The following PGM2L1 variants were observed in gnomAD, a reference collection of about 807,000 sequenced individuals.
PGM2L1 encodes phosphoglucomutase 2 like 1.
A neutral mutation model predicts 73.4 loss-of-function variants in PGM2L1; 35 were observed. The ratio of observed to expected loss-of-function variants is 0.48; its 90% CI spans 0.36 to 0.63. The LOEUF (loss-of-function observed/expected upper bound fraction) is 0.63. PGM2L1 is among the 30% of genes least tolerant of loss of function. The pLI, the probability that PGM2L1 is intolerant of heterozygous loss-of-function variation, is 0.00. For synonymous variants in PGM2L1, 225 were observed against 253.8 expected (o/e 0.89, Z 1.08); for missense variants, 570 against 742.0 (o/e 0.77, Z 2.69).
chr11:74,368,668 A>C (rs1477695103), intron 4 of PGM2L1, 93 bp from the exon 5 acceptor site: 2 of 1,004,362 alleles, frequency 2.0e-6, no homozygotes, highest in Non-Finnish European at 3.1e-6. Context: ...CAGGAAAAGC[A>C]TTATAGTATG....
At chr11:74,346,241 C>G (rs2134889088) in intron 8 of PGM2L1, among the ~76,000 whole-genome samples, 1 of 135,762 alleles carries the variant, frequency 7.4e-6, no homozygotes, top group East Asian at 2.1e-4. Flanking sequence ...TCCACTCCAG[C>G]CTAAGCAACA....
chr11:74,338,713 A>T, intron 12 of PGM2L1, 112 bp from the exon 13 acceptor site: 1 of 1,278,952 alleles, frequency 7.8e-7, no homozygotes, highest in Non-Finnish European at 1.1e-6. Flanking sequence ...AAAGTCGTCA[A>T]ATTTACAGAA....
intron 4 of PGM2L1, among the ~76,000 whole-genome samples, chr11:74,369,619 C>T (rs1412737204): frequency 6.6e-6 from 1 of 152,182 alleles, no homozygotes; most frequent in Admixed American, 6.5e-5. Context: ...GGATAAGATG[C>T]TGGAAGTGAA....
chr11:74,342,938 G>A lies in PGM2L1; in HGVS notation c.1389C>T (p.Tyr463=), dbSNP rs1862204628. 6.2e-7 allele frequency: 1 copy of A among 1,610,810 alleles called. No individual in the cohort carries two copies. Among genetic ancestry groups the A allele is most frequent in the Non-Finnish European group, 8.5e-7 (1 of 1,178,302 alleles). ...AAVVVAEMAS[Y]LETMNITLKQ... ...TCAATGTTATATTCATGGTTTCCAG[G>A]TAAGATGCCATCTCAGCAACCACAA... Residue 463 remains tyrosine (Y), a synonymous_variant, in exon 11 of 14, where the codon TAC becomes TAT. Transcript: ENST00000298198.
intron 12 of PGM2L1, among the ~76,000 whole-genome samples, chr11:74,339,186 A>G (rs1433476522): frequency 6.6e-6 from 1 of 152,190 alleles, no homozygotes; most frequent in Non-Finnish European, 1.5e-5. Flanking sequence ...CCAAAGTCCA[A>G]ACTGCCTCTA....
At chr11:74,368,381 G>T in intron 5 of PGM2L1, 111 bp downstream of exon 5, 1 of 870,656 alleles carries the variant, frequency 1.1e-6, no homozygotes, top group Non-Finnish European at 1.8e-6. Flanking sequence ...TTAACTTTCT[G>T]TTCCCAATGT....
intron 1 of PGM2L1, among the ~76,000 whole-genome samples, chr11:74,385,633 A>G (rs78916560): frequency 0.012 from 1,785 of 152,194 alleles, 34 homozygotes; most frequent in African/African-American, 0.039. Context: ...GTCAACTGAG[A>G]TTCCATAGTT....
intron 1 of PGM2L1, among the ~76,000 whole-genome samples, chr11:74,379,483 C>A (rs1435232936): frequency 6.6e-6 from 1 of 152,090 alleles, no homozygotes; most frequent in Non-Finnish European, 1.5e-5. Flanking sequence ...ATCTTATAAA[C>A]CTACTATTTT....
intron 10 of PGM2L1, 104 bp from the exon 11 acceptor site, chr11:74,343,118 T>G (rs1015960905): frequency 7.0e-7 from 1 of 1,418,840 alleles, no homozygotes; most frequent in Non-Finnish European, 9.5e-7. Flanking sequence ...AGCCTAGTAA[T>G]AGATGAAACT....
At chr11:74,353,175 TG>T (rs1444562093) in intron 5 of PGM2L1, among the ~76,000 whole-genome samples, 2 of 119,650 alleles carry the variant, frequency 1.7e-5, no homozygotes, top group South Asian at 2.8e-4. Context: ...AAACCCAGAA[TG>T]TTTTTTTGTG....
intron 1 of PGM2L1, among the ~76,000 whole-genome samples, chr11:74,385,950 G>C (rs624648): frequency 0.95 from 144,955 of 152,244 alleles, 69,453 homozygotes; most frequent in African/African-American, 0.98. Flanking sequence ...AAATGATGCT[G>C]TCAGCATTAT....
chr11:74,345,337 C>T, intron 9 of PGM2L1, 132 bp downstream of exon 9: 4 of 892,134 alleles, frequency 4.5e-6, no homozygotes, highest in Non-Finnish European at 6.6e-6. Context: ...AGAGACTGAA[C>T]AAGTGTTAAC....
At chr11:74,361,260 C>A (rs1013813474) in intron 5 of PGM2L1, among the ~76,000 whole-genome samples, 1 of 152,216 alleles carries the variant, frequency 6.6e-6, no homozygotes, top group Admixed American at 6.5e-5. Context: ...TGTTCTGCAG[C>A]CTCCACTGCT....
intron 5 of PGM2L1, 97 bp from the exon 6 acceptor site, chr11:74,351,673 C>T: frequency 8.7e-7 from 1 of 1,145,474 alleles, no homozygotes; most frequent in East Asian, 2.6e-5. Context: ...AAAAGCATAT[C>T]AAATTGAGGC....
chr11:74,352,248 A>G (rs987882915), intron 5 of PGM2L1, among the ~76,000 whole-genome samples: 1 of 152,130 alleles, frequency 6.6e-6, no homozygotes, highest in African/African-American at 2.4e-5. Context: ...TCTACTAAAG[A>G]TAATCCAAGA....
intron 1 of PGM2L1, among the ~76,000 whole-genome samples, chr11:74,375,915 T>C (rs1480399088): frequency 2.0e-5 from 3 of 152,218 alleles, no homozygotes; most frequent in African/African-American, 7.2e-5. Context: ...GATACCATGA[T>C]ATTTCATAGA....
chr11:74,358,901 C>T (rs1862505686), intron 5 of PGM2L1, among the ~76,000 whole-genome samples: 1 of 151,850 alleles, frequency 6.6e-6, no homozygotes, highest in African/African-American at 2.4e-5. Flanking sequence ...AAAACAAAAA[C>T]AAAAACAAAA....
chr11:74,390,625 C>T (rs986167133), intron 1 of PGM2L1, among the ~76,000 whole-genome samples: 1 of 152,048 alleles, frequency 6.6e-6, no homozygotes, highest in African/African-American at 2.4e-5. Flanking sequence ...AGTAAAGGAA[C>T]GAAAGGACTA....
At chr11:74,397,783 G>C in intron 1 of PGM2L1, 1 of 297,760 alleles carries the variant, frequency 3.4e-6, no homozygotes, top group East Asian at 5.0e-5. Flanking sequence ...AGGGAAGACA[G>C]CACTTGAAAG....
Sources: gnomAD v4.1 joint callset for allele counts (sites outside exome capture counted in the v4.1 genomes callset) on GRCh38, gnomAD v4.1.1 for gene constraint, MANE v1.5 for transcripts, NCBI Gene and HGNC (gene_info 2026-07-23, HGNC 2026-07-21) for gene names.